NTNG1: variants seen among roughly 807,000 people sequenced by gnomAD.
The protein encoded by NTNG1 is netrin-G1.
Under a neutral mutation model 54.0 loss-of-function variants are expected in NTNG1, and 16 were observed. The observed-to-expected ratio is 0.30, with a 90% confidence interval of 0.20 to 0.45. NTNG1 has a LOEUF of 0.45. NTNG1 is among the 20% of genes least tolerant of loss of function. NTNG1 has a pLI of 1.00. For synonymous variants in NTNG1, 255 were observed against 263.1 expected, an observed-to-expected ratio of 0.97 and a Z score of 0.30; for missense variants, 530 against 678.7, an observed-to-expected ratio of 0.78 and a Z score of 2.43.
chr1:107,200,806 A>G (rs1658695729), intron 2 of NTNG1, among the ~76,000 whole-genome samples: 1 of 151,804 alleles, frequency 6.6e-6, no homozygotes, highest in Non-Finnish European at 1.5e-5. Context: ...TTCAACAAAT[A>G]TTTACCAAAT....
rs187439882 is a variant in NTNG1 at position 107,275,671 on chromosome 1, A to G, written c.247-48611A>G. On this transcript the variant is annotated intron_variant, in intron 2 of 7. Transcript: ENST00000370068. ...CCCAGCTTAAAGGCAGCCAGACAGG[A>G]TGAGTTCTTTACTCAAGGAAGGGTC... Among the ~76,000 whole-genome samples the G allele has an allele frequency of 2.0e-4, 31 of 152,354 alleles. No homozygotes were observed. In the East Asian group the frequency reaches 5.0e-3, roughly 25 times the overall value.
At chr1:107,413,684 A>G (rs1673997049) in intron 5 of NTNG1, among the ~76,000 whole-genome samples, 1 of 152,158 alleles carries the variant, frequency 6.6e-6, no homozygotes, top group Admixed American at 6.6e-5. Flanking sequence ...AAAATTATGT[A>G]AGCATTAGTG....
intron 2 of NTNG1, among the ~76,000 whole-genome samples, chr1:107,210,799 T>A (rs958327234): frequency 2.0e-5 from 3 of 152,156 alleles, no homozygotes; most frequent in Non-Finnish European, 4.4e-5. Context: ...TGTGCCTCTT[T>A]AATCTTATTT....
At chr1:107,418,704 A>C in intron 5 of NTNG1, 1 of 1,083,204 alleles carries the variant, frequency 9.2e-7, no homozygotes, top group Non-Finnish European at 1.4e-6. Context: ...GGAAAATCCT[A>C]TATGCCATTT....
At chr1:107,474,683 C>T (rs1300745053) in intron 7 of NTNG1, among the ~76,000 whole-genome samples, 1 of 152,174 alleles carries the variant, frequency 6.6e-6, no homozygotes, top group East Asian at 1.9e-4. Context: ...TAATGGCCTT[C>T]TTGTTGCACC....
chr1:107,174,446 C>G (rs1656487368), intron 2 of NTNG1, among the ~76,000 whole-genome samples: 1 of 151,950 alleles, frequency 6.6e-6, no homozygotes, highest in African/African-American at 2.4e-5. Context: ...TCCTTCTGCC[C>G]TGATCCTTTT....
intron 3 of NTNG1, among the ~76,000 whole-genome samples, chr1:107,342,362 A>G (rs1668949735): frequency 6.6e-6 from 1 of 152,128 alleles, no homozygotes; most frequent in Non-Finnish European, 1.5e-5. Context: ...GCCATGGTTC[A>G]GATTTAACTG....
At chr1:107,441,732 T>C (rs1558002837) in intron 7 of NTNG1, among the ~76,000 whole-genome samples, 2 of 152,094 alleles carry the variant, frequency 1.3e-5, no homozygotes, top group Admixed American at 6.6e-5. Context: ...ACACATTATA[T>C]TGTGCTTATC....
intron 1 of NTNG1, among the ~76,000 whole-genome samples, chr1:107,142,783 A>G (rs757389890): frequency 9.6e-5 from 14 of 145,936 alleles, no homozygotes; most frequent in Admixed American, 2.0e-4. Context: ...TTTTTTTTTC[A>G]GGGGAGGCTT....
chr1:107,153,252 G>C (rs767472981), intron 2 of NTNG1, among the ~76,000 whole-genome samples: 9 of 152,144 alleles, frequency 5.9e-5, no homozygotes, highest in Non-Finnish European at 1.0e-4. Flanking sequence ...TTTACCTTTG[G>C]CTCAGGTTGC....
intron 3 of NTNG1, among the ~76,000 whole-genome samples, chr1:107,389,447 G>A (rs1390667835): frequency 4.6e-5 from 7 of 152,198 alleles, no homozygotes; most frequent in Non-Finnish European, 1.5e-5. Context: ...GAGGCAGACG[G>A]TATAGGTTTT....
chr1:107,398,965 T>C (rs750299994), intron 4 of NTNG1, among the ~76,000 whole-genome samples: 1 of 152,190 alleles, frequency 6.6e-6, no homozygotes, highest in Non-Finnish European at 1.5e-5. Flanking sequence ...CATGTTTTTC[T>C]ATATATAGAT....
At chr1:107,477,071 G>A (rs1678375577) in intron 7 of NTNG1, among the ~76,000 whole-genome samples, 1 of 152,210 alleles carries the variant, frequency 6.6e-6, no homozygotes, top group Non-Finnish European at 1.5e-5. Context: ...TGGGACTGAG[G>A]GATTACAGGA....
At position 107,342,311 on chromosome 1, in the gene NTNG1, A is replaced by G. The variant is rs186671906; in HGVS notation, c.887+17389A>G. On this transcript the variant is annotated intron_variant, in intron 3 of 7. Transcript: ENST00000370068. ...AAAAGTATGACTGAAGCATTAATAG[A>G]ATGATAATTACAGAGGCATTACCAT... 3.3e-3 allele frequency among the ~76,000 whole-genome samples: 500 copies of G among 152,190 alleles called. 11 individuals carry two copies. Among genetic ancestry groups the G allele is most frequent in the Admixed American group, 0.029 (435 of 15,262 alleles).
intron 2 of NTNG1, among the ~76,000 whole-genome samples, chr1:107,263,932 C>CG (rs1663549243): frequency 6.6e-6 from 1 of 152,028 alleles, no homozygotes; most frequent in Admixed American, 6.5e-5. Flanking sequence ...TCTGAAGTTT[C>CG]CTATCTTTAA....
intron 3 of NTNG1, among the ~76,000 whole-genome samples, chr1:107,361,366 T>TATATACAC (rs1553232674): frequency 3.2e-5 from 1 of 31,220 alleles, no homozygotes; most frequent in African/African-American, 8.8e-5. Context: ...ATAACATATA[T>TATATACAC]ATATATACAT....
chr1:107,300,666 CAG>C (rs1666260873), intron 2 of NTNG1, among the ~76,000 whole-genome samples: 1 of 152,158 alleles, frequency 6.6e-6, no homozygotes, highest in Non-Finnish European at 1.5e-5. Context: ...AGTCCTTTCA[CAG>C]AGAATTCAGT....
chr1:107,433,730 A>G (rs2101353471), intron 6 of NTNG1, among the ~76,000 whole-genome samples: 1 of 152,296 alleles, frequency 6.6e-6, no homozygotes, highest in African/African-American at 2.4e-5. Flanking sequence ...GCACACAATG[A>G]ATTAATAACA....
At chr1:107,347,242 G>C (rs932335013) in intron 3 of NTNG1, among the ~76,000 whole-genome samples, 1 of 152,122 alleles carries the variant, frequency 6.6e-6, no homozygotes, top group Non-Finnish European at 1.5e-5. Flanking sequence ...GGCTGGGCAT[G>C]GTGGCTCACA....
Sources: gnomAD v4.1 joint callset for allele counts (sites outside exome capture counted in the v4.1 genomes callset) on GRCh38, gnomAD v4.1.1 for gene constraint, MANE v1.5 for transcripts, NCBI Gene and HGNC (gene_info 2026-07-23, HGNC 2026-07-21) for gene names.